Variants in ATP8A1 observed in about 807,000 individuals in gnomAD.
ATP8A1 encodes phospholipid-transporting ATPase IA.
In ATP8A1, 90 loss-of-function variants were observed where a neutral mutation model predicts 177.7. The ratio of observed to expected loss-of-function variants is 0.51; its 90% CI spans 0.43 to 0.60. The LOEUF is 0.60. ATP8A1 is among the 20% of genes least tolerant of loss of function. The pLI is 0.00. For missense variants in ATP8A1, 1,072 were observed against 1,392.8 expected (o/e 0.77, Z 3.67); for synonymous variants, 493 against 485.9 (o/e 1.01, Z -0.19).
intron 33 of ATP8A1, among the ~76,000 whole-genome samples, chr4:42,438,368 G>A (rs1716239029): frequency 6.6e-6 from 1 of 152,154 alleles, no homozygotes; most frequent in Non-Finnish European, 1.5e-5. Context: ...CCCTATTATA[G>A]CTGAGTGGCA....
intron 22 of ATP8A1, among the ~76,000 whole-genome samples, chr4:42,511,410 T>C (rs1436591137): frequency 2.0e-5 from 3 of 152,090 alleles, no homozygotes; most frequent in Non-Finnish European, 4.4e-5. Context: ...GCGATAAAAT[T>C]CCCATGGCAT....
chr4:42,517,403 C>T (rs919319746), intron 22 of ATP8A1, among the ~76,000 whole-genome samples: 9 of 151,366 alleles, frequency 5.9e-5, no homozygotes, highest in African/African-American at 9.7e-5. Context: ...TTCAAAAGAA[C>T]GAGGGTGAGA....
chr4:42,586,381 A>T lies in ATP8A1; in HGVS notation c.690T>A (p.Asp230Glu), dbSNP rs374505324. The T allele has an allele frequency of 1.2e-6, 2 of 1,614,120 alleles. No individual in the cohort carries two copies. Among genetic ancestry groups the T allele is most frequent in the Non-Finnish European group, 1.7e-6 (2 of 1,179,994 alleles). ...ECESPNRHLY[D>E]FVGNIRLDGH... ...CATCAAGCCTTATGTTTCCAACAAA[A>T]TCGTAGAGATGTCTGTTTGGACTTT... is the stretch of plus-strand genomic sequence containing the variant. The change falls in exon 9 of 37, where the codon GAT becomes GAA. Residue 230 changes from aspartate (D) to glutamate (E), a missense_variant. Asp to Glu is a conservative substitution (Grantham distance 45, BLOSUM62 2). This residue lies in a region of ATP8A1 where 344 missense variants were observed against 393.5 expected (regional missense o/e 0.87). Coordinates refer to ENST00000381668, the MANE Select transcript of ATP8A1 (RefSeq NM_006095.2).
rs547523629 is a variant in ATP8A1 at position 42,639,329 on chromosome 4, T to C, written c.50-12220A>G. On this transcript the variant is annotated intron_variant, in intron 1 of 36. Coordinates refer to ENST00000381668, the MANE Select transcript of ATP8A1 (RefSeq NM_006095.2). ...TGGAGGAAAGGTGTTGTAAAAAACGTTAGAGACCACTCGATTTTTCCCCCT... is the reference window on the plus strand; with the variant it reads ...TGGAGGAAAGGTGTTGTAAAAAACGCTAGAGACCACTCGATTTTTCCCCCT... 1.1e-3 allele frequency among the ~76,000 whole-genome samples: 163 copies of C among 152,258 alleles called. 1 individual carries two copies. The highest frequency in any genetic ancestry group is 3.8e-3 in the African/African-American group (158 of 41,530).
intron 24 of ATP8A1, among the ~76,000 whole-genome samples, chr4:42,493,034 A>G (rs1425667121): frequency 1.3e-5 from 2 of 152,230 alleles, no homozygotes; most frequent in Non-Finnish European, 2.9e-5. Flanking sequence ...AACTCTTCAT[A>G]GCTGGTCAGC....
At chr4:42,618,829 C>T (rs778336986) in intron 4 of ATP8A1, among the ~76,000 whole-genome samples, 5 of 152,172 alleles carry the variant, frequency 3.3e-5, no homozygotes, top group Admixed American at 2.0e-4. Flanking sequence ...GTCTACCATA[C>T]CTGCTGAGTC....
intron 35 of ATP8A1, among the ~76,000 whole-genome samples, chr4:42,418,216 T>A (rs570581282): frequency 6.6e-6 from 1 of 152,250 alleles, no homozygotes; most frequent in Admixed American, 6.5e-5. Flanking sequence ...CTGTAAACAA[T>A]GGCCAAACGG....
chr4:42,547,067 C>T (rs1198061787), intron 19 of ATP8A1, among the ~76,000 whole-genome samples: 1 of 152,222 alleles, frequency 6.6e-6, no homozygotes, highest in African/African-American at 2.4e-5. Context: ...CCATAGATTT[C>T]TCTTTTGTTT....
intron 2 of ATP8A1, chr4:42,626,321 A>G (rs1180238472): frequency 6.6e-6 from 1 of 152,262 alleles, no homozygotes; most frequent in African/African-American, 2.4e-5. Flanking sequence ...ATTAAAGCAG[A>G]CACATGCCAC....
At chr4:42,430,352 G>C (rs1366240889) in intron 33 of ATP8A1, among the ~76,000 whole-genome samples, 2 of 152,124 alleles carry the variant, frequency 1.3e-5, no homozygotes, top group Non-Finnish European at 2.9e-5. Flanking sequence ...AGTCCTTTTA[G>C]AAGTCAGATC....
chr4:42,589,122 C>T (rs1364199954), intron 7 of ATP8A1, among the ~76,000 whole-genome samples: 7 of 152,184 alleles, frequency 4.6e-5, no homozygotes, highest in Non-Finnish European at 8.8e-5. Flanking sequence ...TTTTATCACA[C>T]CACCACAGCC....
At chr4:42,564,606 T>C (rs1659759693) in intron 15 of ATP8A1, among the ~76,000 whole-genome samples, 1 of 152,258 alleles carries the variant, frequency 6.6e-6, no homozygotes, top group South Asian at 2.1e-4. Context: ...TCATTTGGAA[T>C]GGCTGTATTT....
intron 33 of ATP8A1, among the ~76,000 whole-genome samples, chr4:42,426,925 A>C (rs1314559725): frequency 6.6e-6 from 1 of 152,258 alleles, no homozygotes; most frequent in African/African-American, 2.4e-5. Context: ...TGTCATAGAA[A>C]TTATTGACTA....
chr4:42,460,088 G>A (rs1718940309), intron 27 of ATP8A1, among the ~76,000 whole-genome samples: 1 of 152,146 alleles, frequency 6.6e-6, no homozygotes. Context: ...ACTGCGCCTG[G>A]CCTGTATTAG....
intron 33 of ATP8A1, among the ~76,000 whole-genome samples, chr4:42,429,915 G>C (rs1418184884): frequency 6.6e-6 from 1 of 152,184 alleles, no homozygotes; most frequent in African/African-American, 2.4e-5. Flanking sequence ...GCAGTGCCTG[G>C]AATAGTCAAA....
chr4:42,593,199 G>A (rs776287197), intron 6 of ATP8A1, among the ~76,000 whole-genome samples: 2 of 152,004 alleles, frequency 1.3e-5, no homozygotes, highest in Non-Finnish European at 1.5e-5. Context: ...ATACTACCTA[G>A]AACCTGAGAC....
chr4:42,602,606 A>G (rs1230811390), intron 5 of ATP8A1, among the ~76,000 whole-genome samples: 1 of 152,052 alleles, frequency 6.6e-6, no homozygotes, highest in African/African-American at 2.4e-5. Context: ...TCTACTAAAA[A>G]AACACCAAAA....
At chr4:42,553,705 A>G (rs1463395865) in intron 16 of ATP8A1, among the ~76,000 whole-genome samples, 1 of 152,176 alleles carries the variant, frequency 6.6e-6, no homozygotes, top group Non-Finnish European at 1.5e-5. Context: ...AGAACAGTGG[A>G]CTAAACAGAC....
chr4:42,453,123 C>T (rs546436117), intron 29 of ATP8A1, among the ~76,000 whole-genome samples: 1 of 152,304 alleles, frequency 6.6e-6, no homozygotes, highest in African/African-American at 2.4e-5. Context: ...ATTAGTTCTA[C>T]TTTTCCATTT....
Sources: allele counts gnomAD v4.1 joint callset (sites outside exome capture counted in the v4.1 genomes callset), GRCh38; gene constraint gnomAD v4.1.1; regional missense constraint gnomAD v4.1.1; transcripts MANE v1.5; gene names NCBI Gene and HGNC (gene_info 2026-07-23, HGNC 2026-07-21).